FMN1: variants seen among roughly 807,000 people sequenced by gnomAD.
FMN1 encodes formin 1, also known as formin-1.
A neutral mutation model predicts 132.4 loss-of-function variants in FMN1; 110 were observed. The ratio of observed to expected loss-of-function variants is 0.83; its 90% CI spans 0.71 to 0.97. The LOEUF (loss-of-function observed/expected upper bound fraction) is 0.97, where lower values mean the gene tolerates loss of function less well. Ranked by LOEUF, FMN1 falls within the 50% of genes least tolerant of loss-of-function variation. The probability of loss-of-function intolerance (pLI) is 0.00; values close to 1 mark genes in which losing one functional copy is unlikely to be tolerated. For synonymous variants in FMN1, 722 were observed against 651.7 expected (o/e 1.11, Z -1.64); for missense variants, 1,792 against 1,705.3 (o/e 1.05, Z -0.90).
intron 2 of FMN1, among the ~76,000 whole-genome samples, chr15:33,180,722 C>T (rs947006637): frequency 4.0e-5 from 6 of 150,012 alleles, no homozygotes; most frequent in Non-Finnish European, 8.8e-5. Context: ...CAGCCAGATC[C>T]CTTCAGAGGC....
intron 9 of FMN1, among the ~76,000 whole-genome samples, chr15:32,961,164 G>A (rs1334993820): frequency 6.9e-6 from 1 of 145,214 alleles, no homozygotes; most frequent in Non-Finnish European, 1.5e-5. Flanking sequence ...ACGGAGTTTT[G>A]CTCTTGTTGC....
chr15:33,154,410 A>G lies in FMN1; in HGVS notation c.505T>C (p.Phe169Leu), dbSNP rs201093149. Reference sequence around the variant, plus strand: ...GTCCTCTTCTGTGGAAGGGCCCCAAAGCTCTCTCTCCTTCCACTAGACCTC... The same window carrying G: ...GTCCTCTTCTGTGGAAGGGCCCCAAGGCTCTCTCTCCTTCCACTAGACCTC... ...PRRSSGRRES[F>L]GALPQKRTKR... Residue 169 changes from phenylalanine to leucine, a missense_variant, in exon 4 of 21, where the codon TTT becomes CTT. Physicochemically the swap from Phe to Leu is conservative, Grantham distance 22. Transcript: ENST00000616417. 2.3e-4 allele frequency: 352 copies of G among 1,535,834 alleles called. No homozygotes were observed. The highest frequency in any genetic ancestry group is 2.2e-4 in the Admixed American group (11 of 50,964).
At chr15:33,000,451 GAAAAAAA>G (rs35351686) in intron 7 of FMN1, among the ~76,000 whole-genome samples, 1 of 115,658 alleles carries the variant, frequency 8.6e-6, no homozygotes, top group African/African-American at 3.3e-5. Context: ...TCCATCTCAG[GAAAAAAA>G]AAAAAAAAAA....
In FMN1 at chr15:32,939,782, A is replaced by G. The variant is rs569164677; in HGVS notation, c.3139-13521T>C. Among the ~76,000 whole-genome samples, 3 of 152,316 alleles carry G rather than the reference A, an allele frequency of 2.0e-5. No individual in the cohort carries two copies. In the East Asian group the frequency reaches 5.8e-4, roughly 29 times the overall value. On this transcript the variant is annotated intron_variant, in intron 9 of 20. Coordinates refer to ENST00000616417, the MANE Select transcript of FMN1 (RefSeq NM_001277313.2). The stretch of plus-strand genomic sequence containing the variant: ...AACGAATCACACCTTCCATATCTAT[A>G]TATTTATTTACTGAACGCTGTGGAC...
At chr15:33,161,862 G>T (rs143264148) in intron 3 of FMN1, among the ~76,000 whole-genome samples, 1 of 151,536 alleles carries the variant, frequency 6.6e-6, no homozygotes, top group African/African-American at 2.4e-5. Context: ...AGCTTGCAAT[G>T]AGACGAGATC....
chr15:33,117,661 T>A (rs1274386291), intron 4 of FMN1, among the ~76,000 whole-genome samples: 1 of 151,420 alleles, frequency 6.6e-6, no homozygotes, highest in African/African-American at 2.4e-5. Flanking sequence ...TTCCAATAAA[T>A]AAACATTAAT....
chr15:33,100,023 T>G (rs1158973286), intron 4 of FMN1, among the ~76,000 whole-genome samples: 5 of 152,048 alleles, frequency 3.3e-5, no homozygotes, highest in African/African-American at 1.2e-4. Flanking sequence ...GGTTTGGAGG[T>G]CTTCGTGTCC....
At chr15:32,827,717 A>T (rs1175848835) in intron 17 of FMN1, among the ~76,000 whole-genome samples, 1 of 151,960 alleles carries the variant, frequency 6.6e-6, no homozygotes, top group Non-Finnish European at 1.5e-5. Flanking sequence ...GGTGGCGGGC[A>T]CCTGTAGTCC....
intron 6 of FMN1, among the ~76,000 whole-genome samples, chr15:33,030,082 C>T (rs1319381203): frequency 2.0e-5 from 3 of 152,178 alleles, no homozygotes; most frequent in African/African-American, 4.8e-5. Flanking sequence ...GGCGTGAACC[C>T]GGGAGGCAAA....
At chr15:33,019,216 C>T (rs532460926) in intron 6 of FMN1, among the ~76,000 whole-genome samples, 9 of 152,228 alleles carry the variant, frequency 5.9e-5, no homozygotes, top group African/African-American at 2.2e-4. Context: ...GAGCTAGACA[C>T]AAAAGTTCTC....
intron 4 of FMN1, among the ~76,000 whole-genome samples, chr15:33,097,073 C>T (rs563292244): frequency 6.6e-6 from 1 of 152,036 alleles, no homozygotes; most frequent in East Asian, 1.9e-4. Context: ...GTGGGTGGAT[C>T]ACTTAAGCTC....
At chr15:32,841,586 T>A (rs1396137145) in intron 17 of FMN1, among the ~76,000 whole-genome samples, 1 of 152,196 alleles carries the variant, frequency 6.6e-6, no homozygotes, top group African/African-American at 2.4e-5. Context: ...TATATTAAAG[T>A]CCTAGGAAAT....
intron 4 of FMN1, among the ~76,000 whole-genome samples, chr15:33,101,212 C>G (rs567485397): frequency 6.6e-6 from 1 of 152,132 alleles, no homozygotes; most frequent in African/African-American, 2.4e-5. Context: ...AGCTGCATGT[C>G]GAGCCAAATC....
chr15:32,994,908 A>G (rs1340680367), intron 7 of FMN1, among the ~76,000 whole-genome samples: 1 of 152,180 alleles, frequency 6.6e-6, no homozygotes, highest in Non-Finnish European at 1.5e-5. Flanking sequence ...GTTTTTCTGT[A>G]AAATAAACTA....
intron 4 of FMN1, among the ~76,000 whole-genome samples, chr15:33,093,134 C>T (rs2038960803): frequency 6.6e-6 from 1 of 152,318 alleles, no homozygotes; most frequent in African/African-American, 2.4e-5. Flanking sequence ...CTCTAATTCT[C>T]CCATCATACC....
intron 10 of FMN1, among the ~76,000 whole-genome samples, chr15:32,919,164 G>A (rs1045647676): frequency 6.6e-6 from 1 of 151,562 alleles, no homozygotes; most frequent in Non-Finnish European, 1.5e-5. Flanking sequence ...TGATGGGGGG[G>A]GTATTAAATG....
chr15:32,996,440 T>C lies in FMN1; in HGVS notation c.2223+11574A>G, dbSNP rs147920310. 9.2e-3 allele frequency among the ~76,000 whole-genome samples: 1,407 copies of C among 152,212 alleles called. 11 individuals are homozygous for C. The highest frequency in any genetic ancestry group is 0.016 in the Non-Finnish European group (1,082 of 68,020). ...GGGCCATCACTCCTAAGGACAAATA[T>C]CCACCCAAAGATAGATCAGAGGCAA... On this transcript the variant is annotated intron_variant, in intron 7 of 20. Transcript: ENST00000616417.
intron 7 of FMN1, among the ~76,000 whole-genome samples, chr15:32,974,387 C>A (rs1200109171): frequency 6.6e-6 from 1 of 152,202 alleles, no homozygotes; most frequent in Non-Finnish European, 1.5e-5. Context: ...ACATCCTCTT[C>A]TCACCTGCAA....
rs573043460 is a variant in FMN1 at position 33,107,347 on chromosome 15, T to A, written c.1868-18373A>T. On this transcript the variant is annotated intron_variant, in intron 4 of 20. Coordinates refer to ENST00000616417, the MANE Select transcript of FMN1 (RefSeq NM_001277313.2). ...TAGACACAATACTCTCCACAAAGCA[T>A]GCCAACGATCTTTTAAAAATGTCAC... Among the ~76,000 whole-genome samples, 186 of 152,168 alleles carry A rather than the reference T, an allele frequency of 1.2e-3. 1 individual carries two copies. The highest frequency in any genetic ancestry group is 4.4e-3 in the African/African-American group (181 of 41,560).
Sources: gnomAD v4.1 joint callset for allele counts (sites outside exome capture counted in the v4.1 genomes callset) on GRCh38, gnomAD v4.1.1 for gene constraint, MANE v1.5 for transcripts, NCBI Gene and HGNC (gene_info 2026-07-23, HGNC 2026-07-21) for gene names.